Variants in PCDHA7 observed in about 807,000 individuals in gnomAD.
The protein encoded by PCDHA7 is protocadherin alpha-7.
In PCDHA7, 37 loss-of-function variants were observed where a neutral mutation model predicts 57.2. The observed-to-expected ratio is 0.65, with a 90% confidence interval of 0.50 to 0.85. The LOEUF is 0.85. PCDHA7 is among the 40% of genes least tolerant of loss of function. The pLI is 0.00. For missense variants in PCDHA7, 1,188 were observed against 1,241.8 expected (o/e 0.96, Z 0.65); for synonymous variants, 553 against 558.8 (o/e 0.99, Z 0.15).
At chr5:140,988,226 G>C (rs1375369387) in intron 3 of PCDHA7, among the ~76,000 whole-genome samples, 2 of 152,154 alleles carry the variant, frequency 1.3e-5, no homozygotes, top group Non-Finnish European at 2.9e-5. Context: ...TGAGATCAGG[G>C]ATCTATGTGA....
At chr5:140,843,447 G>A (rs373780721) in intron 1 of PCDHA7, 12 of 1,596,056 alleles carry the variant, frequency 7.5e-6, no homozygotes, top group Non-Finnish European at 1.0e-5. Flanking sequence ...GCGGTATCCA[G>A]CCTGCTGGTG....
chr5:140,930,411 A>C (rs1554207797), intron 1 of PCDHA7: 2 of 149,218 alleles, frequency 1.3e-5, no homozygotes, highest in African/African-American at 2.5e-5. Context: ...TTTTTGAGAC[A>C]GGGGTCTCAC....
intron 1 of PCDHA7, chr5:140,856,728 T>C: frequency 6.3e-7 from 1 of 1,595,848 alleles, no homozygotes. Context: ...TCTGTTTCTC[T>C]GCTGATCCTG....
chr5:140,912,322 G>A (rs1050946341), intron 1 of PCDHA7, among the ~76,000 whole-genome samples: 10 of 149,938 alleles, frequency 6.7e-5, no homozygotes, highest in African/African-American at 1.7e-4. Flanking sequence ...TTGACCCTCA[G>A]TATTAACCAG....
chr5:140,956,921 G>T (rs2095321008), intron 1 of PCDHA7, among the ~76,000 whole-genome samples: 1 of 151,968 alleles, frequency 6.6e-6, no homozygotes, highest in Admixed American at 6.6e-5. Context: ...CTTTAATCTT[G>T]CTGGATATAG....
intron 1 of PCDHA7, chr5:140,928,541 AC>A: frequency 3.7e-6 from 6 of 1,614,192 alleles, no homozygotes; most frequent in Non-Finnish European, 5.1e-6. Context: ...GATAGGAATG[AC>A]AATTATCCGG....
At chr5:140,912,694 G>A (rs1328426442) in intron 1 of PCDHA7, among the ~76,000 whole-genome samples, 1 of 152,090 alleles carries the variant, frequency 6.6e-6, no homozygotes, top group Non-Finnish European at 1.5e-5. Flanking sequence ...GGTCTCAGGG[G>A]GAATGCTTTC....
intron 3 of PCDHA7, among the ~76,000 whole-genome samples, chr5:140,992,354 A>C (rs996986066): frequency 1.3e-5 from 2 of 152,184 alleles, no homozygotes; most frequent in Non-Finnish European, 2.9e-5. Context: ...TGGAGAGAGG[A>C]GAAAAATGGT....
chr5:140,869,296 C>A, intron 1 of PCDHA7: 1 of 1,613,602 alleles, frequency 6.2e-7, no homozygotes, highest in Non-Finnish European at 8.5e-7. Flanking sequence ...GCGCCTGTTC[C>A]GGGTGGCGTC....
At chr5:140,880,586 G>C (rs1212732393) in intron 1 of PCDHA7, among the ~76,000 whole-genome samples, 1 of 152,206 alleles carries the variant, frequency 6.6e-6, no homozygotes, top group African/African-American at 2.4e-5. Context: ...AGAGGAAAGA[G>C]AATATGGAAG....
chr5:140,965,672 A>G (rs1586083629), intron 1 of PCDHA7, among the ~76,000 whole-genome samples: 1 of 152,360 alleles, frequency 6.6e-6, no homozygotes, highest in South Asian at 2.1e-4. Context: ...TGATAAATGT[A>G]AAAGATTTGA....
rs376867914 is a variant in PCDHA7 at position 140,880,239 on chromosome 5, TGC to T, written c.2355+43503_2355+43504del. Among the ~76,000 whole-genome samples the T allele has an allele frequency of 5.6e-3, 860 of 152,302 alleles. 5 individuals carry two copies. The highest frequency in any genetic ancestry group is 0.014 in the Middle Eastern group (4 of 294). On this transcript the variant is annotated intron_variant, in intron 1 of 3. Transcript: ENST00000525929. ...AGTAGAACATTTAAATTAGTGTATG[TGC>T]GTGTGTGTATGTATACATATTTTAG...
chr5:141,010,525 C>A lies in PCDHA7; in HGVS notation c.*588C>A. On this transcript the variant is annotated 3_prime_UTR_variant, in exon 4 of 4. Coordinates refer to ENST00000525929, the MANE Select transcript of PCDHA7 (RefSeq NM_018910.3). ...CTAAATCTTACAACTCAAGAGGTGG[C>A]AGCCACCCTCTAGGAGACAAAACTA... 1 of 436,454 alleles carries A rather than the reference C, an allele frequency of 2.3e-6. No homozygotes were observed. The highest frequency in any genetic ancestry group is 3.9e-6 in the Non-Finnish European group (1 of 256,874). 27.0% of individuals were successfully genotyped at this position (436,454 alleles called of 1,614,324 possible).
chr5:140,871,935 T>A (rs373740331), intron 1 of PCDHA7, among the ~76,000 whole-genome samples: 2 of 152,262 alleles, frequency 1.3e-5, no homozygotes, highest in Non-Finnish European at 2.9e-5. Flanking sequence ...TTAGATCAAC[T>A]GGCTTTGTTT....
chr5:140,887,387 C>T (rs959255749), intron 1 of PCDHA7, among the ~76,000 whole-genome samples: 8 of 152,106 alleles, frequency 5.3e-5, no homozygotes, highest in Non-Finnish European at 1.5e-5. Context: ...TGAGCCACCG[C>T]GCCCGGCTCT....
chr5:140,941,960 A>G (rs569784391), intron 1 of PCDHA7, among the ~76,000 whole-genome samples: 6 of 152,354 alleles, frequency 3.9e-5, no homozygotes, highest in African/African-American at 1.4e-4. Flanking sequence ...AAACAATAGT[A>G]TCTTTACTTT....
intron 1 of PCDHA7, among the ~76,000 whole-genome samples, chr5:140,888,357 G>C (rs2061799918): frequency 6.6e-6 from 1 of 152,138 alleles, no homozygotes; most frequent in Non-Finnish European, 1.5e-5. Flanking sequence ...ATTGCTACTG[G>C]CATCTAATAA....
intron 1 of PCDHA7, among the ~76,000 whole-genome samples, chr5:140,887,136 G>A (rs1460345753): frequency 2.2e-4 from 33 of 148,834 alleles, no homozygotes; most frequent in Middle Eastern, 3.2e-3. Context: ...TCACTCTGTC[G>A]CCCAGGCTGG....
chr5:140,877,888 C>T (rs1554170207), intron 1 of PCDHA7: 3 of 1,458,570 alleles, frequency 2.1e-6, no homozygotes, highest in South Asian at 1.5e-5. Flanking sequence ...GAAGAACTTC[C>T]GTTTAGGTTA....
Sources: gnomAD v4.1 joint callset for allele counts (sites outside exome capture counted in the v4.1 genomes callset) on GRCh38, gnomAD v4.1.1 for gene constraint, MANE v1.5 for transcripts, NCBI Gene and HGNC (gene_info 2026-07-23, HGNC 2026-07-21) for gene names.